Variants in MAP7 observed in about 807,000 individuals in gnomAD.
MAP7 encodes microtubule associated protein 7.
A neutral mutation model predicts 94.8 loss-of-function variants in MAP7; 52 were observed. The ratio of observed to expected loss-of-function variants is 0.55; its 90% CI spans 0.44 to 0.69. MAP7 has a LOEUF of 0.69. MAP7 is among the 30% of genes least tolerant of loss of function. MAP7 has a pLI of 0.00. For synonymous variants in MAP7, 350 were observed against 357.0 expected, an observed-to-expected ratio of 0.98 and a Z score of 0.22; for missense variants, 940 against 964.6, an observed-to-expected ratio of 0.97 and a Z score of 0.34.
chr6:136,492,760 T>A, intron 1 of MAP7, among the ~76,000 whole-genome samples: 1 of 152,062 alleles, frequency 6.6e-6, no homozygotes, highest in African/African-American at 2.4e-5. Flanking sequence ...AACCAAGAGA[T>A]AAAGAAATGG....
chr6:136,379,218 T>C (rs969977917), intron 6 of MAP7, among the ~76,000 whole-genome samples: 1 of 150,872 alleles, frequency 6.6e-6, no homozygotes, highest in Non-Finnish European at 1.5e-5. Flanking sequence ...CTGCTAAACA[T>C]TGTCTTAAAA....
intron 1 of MAP7, among the ~76,000 whole-genome samples, chr6:136,497,660 G>A (rs527385462): frequency 9.9e-5 from 15 of 151,662 alleles, no homozygotes; most frequent in Admixed American, 5.9e-4. Context: ...TTAGCCAGGC[G>A]TGGTGGCACA....
intron 7 of MAP7, among the ~76,000 whole-genome samples, chr6:136,373,221 G>A (rs931601526): frequency 3.9e-5 from 6 of 152,144 alleles, no homozygotes; most frequent in Non-Finnish European, 5.9e-5. Flanking sequence ...GACTTGTCAC[G>A]AGGATAAGTA....
At chr6:136,505,604 C>T (rs1821287057) in intron 1 of MAP7, among the ~76,000 whole-genome samples, 1 of 151,732 alleles carries the variant, frequency 6.6e-6, no homozygotes, top group Non-Finnish European at 1.5e-5. Flanking sequence ...GATGAGAACA[C>T]AGGGACACAT....
At chr6:136,480,329 A>G (rs556408910) in intron 1 of MAP7, among the ~76,000 whole-genome samples, 13 of 152,322 alleles carry the variant, frequency 8.5e-5, no homozygotes, top group Admixed American at 2.0e-4. Context: ...CTCTTGCCAT[A>G]TACAAAAATC....
intron 3 of MAP7, among the ~76,000 whole-genome samples, chr6:136,395,100 G>A (rs2128686979): frequency 1.3e-5 from 2 of 151,078 alleles, no homozygotes; most frequent in South Asian, 4.2e-4. Flanking sequence ...TGGGATTGCT[G>A]GGTCATCCTG....
chr6:136,433,719 A>G (rs1330041444), intron 1 of MAP7, among the ~76,000 whole-genome samples: 2 of 152,236 alleles, frequency 1.3e-5, no homozygotes, highest in Non-Finnish European at 2.9e-5. Flanking sequence ...AGCTTCTGCC[A>G]ACTCTGATGG....
At chr6:136,511,365 T>TA (rs916990528) in intron 1 of MAP7, among the ~76,000 whole-genome samples, 2 of 152,114 alleles carry the variant, frequency 1.3e-5, no homozygotes, top group African/African-American at 4.8e-5. Context: ...AAGCCCAGGG[T>TA]AAAAATCCAG....
At chr6:136,501,476 G>C (rs1819805365) in intron 1 of MAP7, among the ~76,000 whole-genome samples, 2 of 152,150 alleles carry the variant, frequency 1.3e-5, no homozygotes, top group African/African-American at 4.8e-5. Flanking sequence ...CACCCTCATG[G>C]CTTCCACATG....
intron 3 of MAP7, among the ~76,000 whole-genome samples, chr6:136,410,237 G>T (rs553170569): frequency 2.6e-5 from 4 of 152,210 alleles, no homozygotes; most frequent in Non-Finnish European, 5.9e-5. Context: ...TAACTAAAGA[G>T]ATCTACAAGT....
chr6:136,361,111 C>A lies in MAP7; in HGVS notation c.1595G>T (p.Arg532Leu), dbSNP rs896174811. The A allele has an allele frequency of 1.2e-6, 2 of 1,605,510 alleles. No homozygotes were observed. Among genetic ancestry groups the A allele is most frequent in the African/African-American group, 2.7e-5 (2 of 74,938 alleles). ...ERTTRREEES[R>L]RLEAEQAREK... Reference sequence around the variant, plus strand: ...CCGGGCCTGCTCGGCTTCCAGCCTGCGCGACTCCTCCTCACGGCGAGTCGT... The same window carrying A: ...CCGGGCCTGCTCGGCTTCCAGCCTGAGCGACTCCTCCTCACGGCGAGTCGT... Residue 532 changes from arginine (R) to leucine (L), a missense_variant, in exon 12 of 18, where the codon CGC (arginine) becomes CTC (leucine). By Grantham distance (102) the Arg-to-Leu change is moderately radical. Transcript: ENST00000354570.
At chr6:136,381,778 T>C (rs535717410) in intron 6 of MAP7, among the ~76,000 whole-genome samples, 9 of 152,002 alleles carry the variant, frequency 5.9e-5, no homozygotes, top group South Asian at 4.2e-4. Flanking sequence ...CCATGATTCA[T>C]AGGGCAGTTT....
At chr6:136,402,483 G>A (rs1378513512) in intron 3 of MAP7, among the ~76,000 whole-genome samples, 1 of 152,192 alleles carries the variant, frequency 6.6e-6, no homozygotes, top group Non-Finnish European at 1.5e-5. Flanking sequence ...CCTGCACAGA[G>A]GGTCCTTCCC....
At chr6:136,542,084 A>G (rs1829370373) in intron 1 of MAP7, among the ~76,000 whole-genome samples, 1 of 152,224 alleles carries the variant, frequency 6.6e-6, no homozygotes, top group South Asian at 2.1e-4. Context: ...AAAAAATTTC[A>G]AAGTGGTACC....
At chr6:136,525,572 T>TA (rs1827597228) in intron 1 of MAP7, among the ~76,000 whole-genome samples, 1 of 152,248 alleles carries the variant, frequency 6.6e-6, no homozygotes, top group East Asian at 1.9e-4. Flanking sequence ...TGGGAAAAAT[T>TA]AAACATCTCT....
intron 1 of MAP7, among the ~76,000 whole-genome samples, chr6:136,468,440 G>A (rs992953295): frequency 4.6e-5 from 7 of 152,230 alleles, no homozygotes; most frequent in South Asian, 4.1e-4. Flanking sequence ...TCTTCATCCC[G>A]ATACAGATGC....
chr6:136,548,520 G>A (rs1829903083), intron 1 of MAP7, among the ~76,000 whole-genome samples: 1 of 152,138 alleles, frequency 6.6e-6, no homozygotes, highest in African/African-American at 2.4e-5. Flanking sequence ...GGAAAATGAA[G>A]TTTTTAGGCA....
At chr6:136,518,449 A>G (rs3799457) in intron 1 of MAP7, among the ~76,000 whole-genome samples, 17,602 of 152,188 alleles carry the variant, frequency 0.12, 2,532 homozygotes, top group African/African-American at 0.34. Flanking sequence ...CATTCAAACA[A>G]TGCCTTATGT....
At chr6:136,346,748 C>A (rs1036915812) in intron 16 of MAP7, among the ~76,000 whole-genome samples, 9 of 151,980 alleles carry the variant, frequency 5.9e-5, no homozygotes, top group African/African-American at 1.9e-4. Context: ...TTATGAGGAC[C>A]TTTGCCTCAA....
Sources: gnomAD v4.1 joint callset for allele counts (sites outside exome capture counted in the v4.1 genomes callset) on GRCh38, gnomAD v4.1.1 for gene constraint, MANE v1.5 for transcripts, NCBI Gene and HGNC (gene_info 2026-07-23, HGNC 2026-07-21) for gene names.